The following SMARCC1 variants were observed in gnomAD, a reference collection of about 807,000 sequenced individuals.
The protein encoded by SMARCC1 is SWI/SNF complex subunit SMARCC1.
A neutral mutation model predicts 147.4 loss-of-function variants in SMARCC1; 43 were observed. The ratio of observed to expected loss-of-function variants is 0.29; its 90% CI spans 0.23 to 0.38. The LOEUF (loss-of-function observed/expected upper bound fraction) is 0.38, where lower values mean the gene tolerates loss of function less well. Ranked by LOEUF, SMARCC1 falls within the 10% of genes least tolerant of loss-of-function variation. SMARCC1 has a pLI of 1.00. For synonymous variants in SMARCC1, 495 were observed against 484.4 expected (o/e 1.02, Z -0.29); for missense variants, 1,119 against 1,381.1 (o/e 0.81, Z 3.01).
intron 18 of SMARCC1, among the ~76,000 whole-genome samples, chr3:47,673,455 A>G (rs1261079972): frequency 1.3e-5 from 2 of 148,518 alleles, no homozygotes. Context: ...CGGGAGGCCA[A>G]TGTGGGTGGA....
In SMARCC1 at chr3:47,600,428, C is replaced by T. The variant is rs538459222; in HGVS notation, c.3044-9591G>A. Among the ~76,000 whole-genome samples, 8 of 152,218 alleles carry T rather than the reference C, an allele frequency of 5.3e-5. No homozygotes were observed. In the South Asian group the frequency reaches 1.0e-3, roughly 20 times the overall value. On this transcript the variant is annotated intron_variant, in intron 26 of 27. Transcript: ENST00000254480. ...AGAATAAGGTTGAGTAAGGGTTGAC[C>T]GTGCCAGGTGATTTGACAGTTATCT...
intron 4 of SMARCC1, among the ~76,000 whole-genome samples, chr3:47,736,400 G>A (rs192592064): frequency 2.0e-5 from 3 of 152,286 alleles, no homozygotes; most frequent in Non-Finnish European, 4.4e-5. Flanking sequence ...AAATAGCAAT[G>A]GCAAGTGGCT....
At chr3:47,695,116 G>A (rs1382141715) in intron 11 of SMARCC1, among the ~76,000 whole-genome samples, 1 of 152,190 alleles carries the variant, frequency 6.6e-6, no homozygotes, top group Non-Finnish European at 1.5e-5. Context: ...CTGGTATTTA[G>A]AAGTAAGGCC....
intron 13 of SMARCC1, among the ~76,000 whole-genome samples, chr3:47,687,839 G>A (rs931622589): frequency 2.0e-5 from 3 of 152,264 alleles, no homozygotes; most frequent in Admixed American, 1.3e-4. Context: ...TTTGGCTCAC[G>A]CCAGCATAGT....
intron 25 of SMARCC1, among the ~76,000 whole-genome samples, chr3:47,612,487 G>A (rs1014146774): frequency 5.9e-5 from 9 of 152,070 alleles, no homozygotes; most frequent in African/African-American, 2.2e-4. Context: ...AGGAAATTCT[G>A]GTCTCTGCAT....
chr3:47,746,169 CT>C (rs1415221410), intron 2 of SMARCC1, among the ~76,000 whole-genome samples, 176 bp from the exon 3 acceptor site: 6 of 152,172 alleles, frequency 3.9e-5, no homozygotes, highest in African/African-American at 1.4e-4. Flanking sequence ...GTAGATTAGG[CT>C]GGGCATGGTG....
chr3:47,681,490 TA>T (rs1244081700), intron 14 of SMARCC1, among the ~76,000 whole-genome samples: 1 of 152,020 alleles, frequency 6.6e-6, no homozygotes. Flanking sequence ...GGCCTAACAG[TA>T]AAAAAAGAAC....
At chr3:47,780,506 T>A (rs1220329592) in intron 1 of SMARCC1, among the ~76,000 whole-genome samples, 4 of 152,142 alleles carry the variant, frequency 2.6e-5, no homozygotes, top group African/African-American at 9.6e-5. Context: ...TCCCTGCCCA[T>A]GCCTAATAAC....
chr3:47,736,662 G>C (rs908731254), intron 4 of SMARCC1, among the ~76,000 whole-genome samples: 1 of 151,992 alleles, frequency 6.6e-6, no homozygotes, highest in Non-Finnish European at 1.5e-5. Context: ...GGGTGACAGA[G>C]TGAGATTCCA....
intron 1 of SMARCC1, among the ~76,000 whole-genome samples, chr3:47,780,408 T>C (rs2035032257): frequency 6.6e-6 from 1 of 151,926 alleles, no homozygotes; most frequent in Non-Finnish European, 1.5e-5. Flanking sequence ...TGACCTCAGG[T>C]GATCCACCCG....
chr3:47,618,083 C>T (rs1409871995), intron 25 of SMARCC1, among the ~76,000 whole-genome samples: 1 of 152,042 alleles, frequency 6.6e-6, no homozygotes, highest in Non-Finnish European at 1.5e-5. Flanking sequence ...ACACCAAATG[C>T]TGATTAAGAA....
intron 14 of SMARCC1, among the ~76,000 whole-genome samples, chr3:47,682,751 T>G (rs1304991178): frequency 1.3e-5 from 2 of 152,252 alleles, no homozygotes; most frequent in Non-Finnish European, 2.9e-5. Flanking sequence ...TAGTATGTCA[T>G]ATATTAATAA....
intron 24 of SMARCC1, among the ~76,000 whole-genome samples, chr3:47,633,530 G>A (rs191258196): frequency 5.9e-4 from 89 of 151,608 alleles, no homozygotes; most frequent in Non-Finnish European, 1.0e-3. Flanking sequence ...AATCACCTGA[G>A]GTCAGGAGTT....
chr3:47,681,655 A>C (rs1256031728), intron 14 of SMARCC1, among the ~76,000 whole-genome samples: 1 of 152,214 alleles, frequency 6.6e-6, no homozygotes, highest in East Asian at 1.9e-4. Context: ...AATATAATTC[A>C]AATTATTCAC....
At chr3:47,724,368 G>A (rs1576422684) in intron 6 of SMARCC1, among the ~76,000 whole-genome samples, 1 of 152,124 alleles carries the variant, frequency 6.6e-6, no homozygotes, top group Non-Finnish European at 1.5e-5. Context: ...AGTAAAATAG[G>A]CCAGTCACAA....
chr3:47,725,869 C>A (rs1393558695), intron 6 of SMARCC1, among the ~76,000 whole-genome samples: 1 of 151,222 alleles, frequency 6.6e-6, no homozygotes. Context: ...CAAGACGAGC[C>A]TGGCCAACAT....
chr3:47,598,288 A>C (rs1232423752), intron 26 of SMARCC1, among the ~76,000 whole-genome samples: 1 of 152,118 alleles, frequency 6.6e-6, no homozygotes, highest in Non-Finnish European at 1.5e-5. Flanking sequence ...TAAAACTAAA[A>C]AGTACAATAT....
intron 24 of SMARCC1, among the ~76,000 whole-genome samples, chr3:47,634,089 T>C (rs1377585131): frequency 6.6e-6 from 1 of 152,184 alleles, no homozygotes; most frequent in Non-Finnish European, 1.5e-5. Context: ...ATAGAATAAC[T>C]AAAATTAGCT....
chr3:47,659,806 T>TA (rs1236598102), intron 21 of SMARCC1, among the ~76,000 whole-genome samples: 2 of 103,208 alleles, frequency 1.9e-5, no homozygotes, highest in Non-Finnish European at 3.9e-5. Context: ...AAGGCAGACA[T>TA]AAAAATGGCC....
Sources: gnomAD v4.1 joint callset for allele counts (sites outside exome capture counted in the v4.1 genomes callset) on GRCh38, gnomAD v4.1.1 for gene constraint, MANE v1.5 for transcripts, NCBI Gene and HGNC (gene_info 2026-07-23, HGNC 2026-07-21) for gene names.